METTL15: variants seen among roughly 807,000 people sequenced by gnomAD.
METTL15 encodes the protein methyltransferase 15, mitochondrial 12S rRNA N4-cytidine.
In METTL15, 34 loss-of-function variants were observed where a neutral mutation model predicts 38.3. The observed-to-expected ratio is 0.89, with a 90% confidence interval of 0.68 to 1.18. The LOEUF (loss-of-function observed/expected upper bound fraction) is 1.18, where lower values mean the gene tolerates loss of function less well. Ranked by LOEUF, METTL15 falls within the 50% of genes most tolerant of loss-of-function variation. The probability of loss-of-function intolerance (pLI) is 0.00; values close to 1 mark genes in which losing one functional copy is unlikely to be tolerated. For missense variants in METTL15, 438 were observed against 498.4 expected (o/e 0.88, Z 1.15); for synonymous variants, 162 against 170.9 (o/e 0.95, Z 0.41).
intron 4 of METTL15, among the ~76,000 whole-genome samples, chr11:28,354,090 C>G (rs1440490956): frequency 2.0e-5 from 3 of 152,148 alleles, no homozygotes; most frequent in Non-Finnish European, 4.4e-5. Context: ...GACTACAGAA[C>G]GTACCATTGG....
At chr11:28,129,407 CTT>C (rs71449170) in intron 3 of METTL15, among the ~76,000 whole-genome samples, 18 of 143,788 alleles carry the variant, frequency 1.3e-4, no homozygotes, top group Middle Eastern at 3.6e-3. Context: ...TATAAAATTA[CTT>C]TTTTTTTTTT....
chr11:28,456,033 T>C (rs1297516333), intron 6 of METTL15, among the ~76,000 whole-genome samples: 5 of 151,976 alleles, frequency 3.3e-5, no homozygotes, highest in Non-Finnish European at 7.4e-5. Context: ...AAAGACAAGC[T>C]TTCACTCCAT....
chr11:28,235,619 G>C (rs1853921405), intron 4 of METTL15, among the ~76,000 whole-genome samples: 1 of 152,152 alleles, frequency 6.6e-6, no homozygotes, highest in African/African-American at 2.4e-5. Context: ...TCTGTTATTA[G>C]TGTGTAAGAA....
downstream of METTL15, among the ~76,000 whole-genome samples, chr11:28,528,635 A>G (rs1851827414): frequency 6.6e-6 from 1 of 152,232 alleles, no homozygotes; most frequent in African/African-American, 2.4e-5. Flanking sequence ...TGTAAAGATC[A>G]GGCTTATGAA....
In METTL15 at chr11:28,470,956, C is replaced by T. The variant is rs182442277; in HGVS notation, c.*424+46592C>T. On this transcript the variant is annotated intron_variant and NMD_transcript_variant, in intron 6 of 7. Coordinates refer to the METTL15 transcript ENST00000532947. ...CCCTACCCCATCACCTCATTTTCCC[C>T]GTGCTGATTTTAGTGGCCTAAAACA... Among the ~76,000 whole-genome samples the T allele has an allele frequency of 3.3e-3, 503 of 152,228 alleles. 1 individual carries two copies. The highest frequency in any genetic ancestry group is 7.8e-3 in the Admixed American group (120 of 15,288).
chr11:28,378,175 G>C (rs2133382073), intron 5 of METTL15, among the ~76,000 whole-genome samples: 1 of 152,292 alleles, frequency 6.6e-6, no homozygotes, highest in East Asian at 1.9e-4. Flanking sequence ...GAGCTGTGGT[G>C]GGCTCCACCC....
chr11:28,257,796 A>G (rs1213651189), intron 4 of METTL15, among the ~76,000 whole-genome samples: 1 of 152,116 alleles, frequency 6.6e-6, no homozygotes, highest in East Asian at 1.9e-4. Context: ...TCTGTGTGTT[A>G]TCTTGAATTT....
At chr11:28,159,850 A>T (rs1219025657) in intron 3 of METTL15, among the ~76,000 whole-genome samples, 1 of 152,038 alleles carries the variant, frequency 6.6e-6, no homozygotes, top group Non-Finnish European at 1.5e-5. Flanking sequence ...TGATTTCAGG[A>T]GATGTGTATG....
At chr11:28,416,765 G>T (rs545206197) in intron 5 of METTL15, among the ~76,000 whole-genome samples, 1 of 152,288 alleles carries the variant, frequency 6.6e-6, no homozygotes, top group South Asian at 2.1e-4. Flanking sequence ...TTCTGACCCT[G>T]TGTTTGCCAG....
intron 2 of METTL15, among the ~76,000 whole-genome samples, chr11:28,111,493 TAATAA>T (rs1851717197): frequency 6.6e-6 from 1 of 152,224 alleles, no homozygotes; most frequent in South Asian, 2.1e-4. Flanking sequence ...GTCGGTTCCT[TAATAA>T]AATGAATCTA....
At chr11:28,475,810 T>G (rs555199748) in intron 6 of METTL15, among the ~76,000 whole-genome samples, 9 of 152,192 alleles carry the variant, frequency 5.9e-5, no homozygotes, top group Non-Finnish European at 1.3e-4. Flanking sequence ...GTTACCCTCT[T>G]TTTACATTTA....
At chr11:28,155,497 C>A (rs1214756404) in intron 3 of METTL15, among the ~76,000 whole-genome samples, 1 of 152,154 alleles carries the variant, frequency 6.6e-6, no homozygotes, top group Non-Finnish European at 1.5e-5. Flanking sequence ...AATTCACTGT[C>A]TTTTCCTTCC....
intron 6 of METTL15, among the ~76,000 whole-genome samples, chr11:28,435,978 GTTC>G (rs776813946): frequency 4.6e-5 from 7 of 152,284 alleles, no homozygotes; most frequent in African/African-American, 7.2e-5. Flanking sequence ...TTTTCTCTAT[GTTC>G]TTCTTGTAGA....
intron 6 of METTL15, among the ~76,000 whole-genome samples, chr11:28,430,945 G>A (rs1850920451): frequency 9.2e-6 from 1 of 108,398 alleles, no homozygotes; most frequent in African/African-American, 3.2e-5. Context: ...CGTCCGGGAG[G>A]TGAGGGGCGC....
chr11:28,126,217 A>G (rs1260477074), intron 3 of METTL15, among the ~76,000 whole-genome samples: 1 of 151,804 alleles, frequency 6.6e-6, no homozygotes, highest in African/African-American at 2.4e-5. Context: ...TTCCCTGGCC[A>G]CCCTGTCTGA....
At chr11:28,196,845 G>C (rs1851928331) in intron 3 of METTL15, among the ~76,000 whole-genome samples, 1 of 151,818 alleles carries the variant, frequency 6.6e-6, no homozygotes, top group South Asian at 2.1e-4. Flanking sequence ...CCTGTTTCTA[G>C]TAATAAGTCA....
intron 3 of METTL15, among the ~76,000 whole-genome samples, chr11:28,143,852 AG>A (rs1246701356): frequency 3.3e-5 from 5 of 152,200 alleles, no homozygotes; most frequent in Non-Finnish European, 7.4e-5. Flanking sequence ...AGATGAGCAT[AG>A]AGGAGACTGA....
chr11:28,390,744 A>C (rs1850496780), intron 5 of METTL15, among the ~76,000 whole-genome samples: 1 of 152,042 alleles, frequency 6.6e-6, no homozygotes, highest in Non-Finnish European at 1.5e-5. Flanking sequence ...ACTTTAAAGT[A>C]GTTTTTTCCA....
At chr11:28,446,102 T>C (rs1378997947) in intron 6 of METTL15, among the ~76,000 whole-genome samples, 1 of 152,116 alleles carries the variant, frequency 6.6e-6, no homozygotes, top group East Asian at 1.9e-4. Flanking sequence ...TATAGCAGGA[T>C]ATGTGGAGCA....
Sources: allele counts gnomAD v4.1 joint callset (sites outside exome capture counted in the v4.1 genomes callset), GRCh38; gene constraint gnomAD v4.1.1; transcripts MANE v1.5; gene names NCBI Gene and HGNC (gene_info 2026-07-23, HGNC 2026-07-21).